Variants in CDV3 observed in about 807,000 individuals in gnomAD.
The protein encoded by CDV3 is protein CDV3 homolog.
Under a neutral mutation model 24.5 loss-of-function variants are expected in CDV3, and 14 were observed. The observed-to-expected ratio is 0.57, with a 90% CI of 0.38 to 0.89. The LOEUF is 0.89. Among genes scored for constraint, CDV3 ranks in the 40% least tolerant of loss-of-function variants. The pLI is 0.00. For missense variants in CDV3, 304 were observed against 310.2 expected (o/e 0.98, Z 0.15); for synonymous variants, 114 against 114.1 (o/e 1.00, Z 0.00).
chr3:133,589,115 C>T lies in CDV3; in HGVS notation c.*1069C>T, dbSNP rs1408521358. 2 of 152,686 alleles carry T rather than the reference C, an allele frequency of 1.3e-5. No individual in the cohort carries two copies. Among genetic ancestry groups the T allele is most frequent in the Non-Finnish European group, 2.9e-5 (2 of 68,102 alleles). 9.5% of individuals were successfully genotyped at this position (152,686 alleles called of 1,614,324 possible). A position where few individuals can be genotyped will look rare whatever the true frequency, so the allele number is the denominator to read the frequency against. Reference sequence around the variant, plus strand: ...CAGTGGGAAGAATATGCTTTCTGCTCAGGCTAAGAGGGTCACTGATCTGTC... The same window carrying T: ...CAGTGGGAAGAATATGCTTTCTGCTTAGGCTAAGAGGGTCACTGATCTGTC... On this transcript the variant is annotated 3_prime_UTR_variant, in exon 5 of 5. Transcript: ENST00000264993.
chr3:133,587,387 GCT>G, intron 4 of CDV3: 1 of 1,214,556 alleles, frequency 8.2e-7, no homozygotes, highest in Non-Finnish European at 1.0e-6. Context: ...TTGCTCCTCT[GCT>G]CTGTCTTAAA....
rs1041345551 is a variant in CDV3, at chr3:133,587,443, G to A, written c.627-453G>A. 33 of 1,158,732 alleles carry A rather than the reference G, an allele frequency of 2.8e-5. No individual in the cohort carries two copies. The African/African-American group carries it at 4.8e-4, about 17-fold the overall frequency. The allele number at this position is 1,158,732 out of a possible 1,614,324, so 71.8% of individuals were successfully genotyped here. A position where few individuals can be genotyped will look rare whatever the true frequency, so the allele number is the denominator to read the frequency against. On this transcript the variant is annotated intron_variant, in intron 4 of 4. Coordinates refer to ENST00000264993, the MANE Select transcript of CDV3 (RefSeq NM_017548.5). ...GGGAGGGCAGTGATTCACCACACTC[G>A]AGTTTCTTTACCTGATCTAATCAGA... is the stretch of plus-strand genomic sequence containing the variant.
chr3:133,577,983 C>T (rs1454728399), intron 2 of CDV3, among the ~76,000 whole-genome samples: 1 of 151,986 alleles, frequency 6.6e-6, no homozygotes, highest in Non-Finnish European at 1.5e-5. Flanking sequence ...CTGTAGGCCT[C>T]TTTCATCTCT....
intron 2 of CDV3, among the ~76,000 whole-genome samples, chr3:133,583,588 A>G (rs2107727449): frequency 6.6e-6 from 1 of 152,220 alleles, no homozygotes; most frequent in Middle Eastern, 3.4e-3. Context: ...TTTTTGAGAC[A>G]GTCACGCTCT....
chr3:133,588,578 C>T lies in CDV3; in HGVS notation c.*532C>T, dbSNP rs1933838972. On this transcript the variant is annotated 3_prime_UTR_variant, in exon 5 of 5. Transcript: ENST00000264993. ...ATTTAAGTGACCTTAATTAACCTGT[C>T]CTGTGCCCTACCCTTAAGGAATACT... 1 of 607,718 alleles carries T rather than the reference C, an allele frequency of 1.6e-6. No individual in the cohort carries two copies. Among genetic ancestry groups the T allele is most frequent in the African/African-American group, 1.9e-5 (1 of 53,970 alleles). The allele number at this position is 607,718 out of a possible 1,614,324, so 37.6% of individuals were successfully genotyped here. A position where few individuals can be genotyped will look rare whatever the true frequency, so the allele number is the denominator to read the frequency against.
At chr3:133,574,528 G>C in intron 1 of CDV3, 1 of 986,186 alleles carries the variant, frequency 1.0e-6, no homozygotes, top group Non-Finnish European at 1.2e-6. Context: ...AGGCCCGGGC[G>C]GCGCCACCCT....
At chr3:133,580,587 A>G (rs1309184578) in intron 2 of CDV3, among the ~76,000 whole-genome samples, 1 of 152,150 alleles carries the variant, frequency 6.6e-6, no homozygotes, top group Non-Finnish European at 1.5e-5. Flanking sequence ...CTGTAATCCC[A>G]GTTACTTGGT....
chr3:133,574,567 G>A, intron 1 of CDV3: 1 of 988,798 alleles, frequency 1.0e-6, no homozygotes, highest in Non-Finnish European at 1.2e-6. Flanking sequence ...GGGCCGCAGT[G>A]CCCAGCACAG....
At chr3:133,575,162 T>C (rs115431813) in intron 2 of CDV3, 47 bp downstream of exon 2, 13 of 1,026,160 alleles carry the variant, frequency 1.3e-5, no homozygotes, top group South Asian at 2.6e-5. Context: ...GGGATAGATA[T>C]TGGATACAAG....
At position 133,589,863 on chromosome 3, in the gene CDV3, A is replaced by G. The variant is rs1324258454; in HGVS notation, c.*1817A>G. 1 of 152,210 alleles carries G rather than the reference A, an allele frequency of 6.6e-6. No homozygotes were observed. The highest frequency in any genetic ancestry group is 1.9e-4 in the East Asian group (1 of 5,202). The allele number at this position is 152,210 out of a possible 1,614,324, so 9.4% of individuals were successfully genotyped here. ...GGAAGGTTGAATGATTAAATCAGAAATGGGATTCTTGGTAAACTGAAGACT... is the reference window on the plus strand; with the variant it reads ...GGAAGGTTGAATGATTAAATCAGAAGTGGGATTCTTGGTAAACTGAAGACT... On this transcript the variant is annotated 3_prime_UTR_variant, in exon 5 of 5. Transcript: ENST00000264993.
chr3:133,589,880 C>CT lies in CDV3; in HGVS notation c.*1835dup, dbSNP rs1933947519. 6.6e-6 allele frequency: 1 copy of CT among 152,168 alleles called. No individual in the cohort carries two copies. The highest frequency in any genetic ancestry group is 6.5e-5 in the Admixed American group (1 of 15,278). The allele number at this position is 152,168 out of a possible 1,614,324, so 9.4% of individuals were successfully genotyped here. A position where few individuals can be genotyped will look rare whatever the true frequency, so the allele number is the denominator to read the frequency against. ...AATCAGAAATGGGATTCTTGGTAAA[C>CT]TGAAGACTTTTATTTGGGAATGAAA... On this transcript the variant is annotated 3_prime_UTR_variant, in exon 5 of 5. Coordinates refer to ENST00000264993, the MANE Select transcript of CDV3 (RefSeq NM_017548.5).
At chr3:133,576,865 G>A (rs1463535129) in intron 2 of CDV3, among the ~76,000 whole-genome samples, 1 of 5,374 alleles carries the variant, frequency 1.9e-4, no homozygotes. Context: ...TTTTTTTTTT[G>A]AGACGAAGTT....
At position 133,588,656 on chromosome 3, in the gene CDV3, G is replaced by T. The variant is rs943186100; in HGVS notation, c.*610G>T. ...ACTTCCTGGAACACACTGCTGAAAA[G>T]AACTGATGTGTTCAGATCATCTGTG... is the stretch of plus-strand genomic sequence containing the variant. On this transcript the variant is annotated 3_prime_UTR_variant, in exon 5 of 5. Coordinates refer to ENST00000264993, the MANE Select transcript of CDV3 (RefSeq NM_017548.5). 3.5e-5 allele frequency: 17 copies of T among 484,458 alleles called. No individual in the cohort carries two copies. The highest frequency in any genetic ancestry group is 3.1e-4 in the African/African-American group (16 of 51,782). The allele number at this position is 484,458 out of a possible 1,614,324, so 30.0% of individuals were successfully genotyped here.
At chr3:133,576,805 A>G (rs1473263062) in intron 2 of CDV3, among the ~76,000 whole-genome samples, 4 of 138,782 alleles carry the variant, frequency 2.9e-5, no homozygotes, top group Non-Finnish European at 6.1e-5. Context: ...AGCTAGTACA[A>G]GCATTTAAGT....
intron 3 of CDV3, among the ~76,000 whole-genome samples, chr3:133,584,951 T>C (rs1933433032): frequency 6.6e-6 from 1 of 152,216 alleles, no homozygotes; most frequent in Non-Finnish European, 1.5e-5. Flanking sequence ...AGCACTACTT[T>C]AAAGAAGTGT....
rs1210766801 is a variant in CDV3 at position 133,589,170 on chromosome 3, C to T, written c.*1124C>T. ...GAAATTCAGAGTAACATGAGCAAAACCTCAGCTAAAACCCATTTAAGTGGC... is the reference window on the plus strand; with the variant it reads ...GAAATTCAGAGTAACATGAGCAAAATCTCAGCTAAAACCCATTTAAGTGGC... On this transcript the variant is annotated 3_prime_UTR_variant, in exon 5 of 5. Transcript: ENST00000264993. 6.6e-6 allele frequency: 1 copy of T among 152,632 alleles called. No individual in the cohort carries two copies. The highest frequency in any genetic ancestry group is 2.4e-5 in the African/African-American group (1 of 41,424). 9.5% of individuals were successfully genotyped at this position (152,632 alleles called of 1,614,324 possible).
chr3:133,580,080 C>T (rs1279811197), intron 2 of CDV3, among the ~76,000 whole-genome samples: 1 of 152,112 alleles, frequency 6.6e-6, no homozygotes, highest in Non-Finnish European at 1.5e-5. Context: ...ATCAACTTGT[C>T]ATTTACATTA....
At position 133,578,841 on chromosome 3, in the gene CDV3, A is replaced by G. The variant is rs1005134880; in HGVS notation, c.317+3726A>G. 3.3e-5 allele frequency among the ~76,000 whole-genome samples: 5 copies of G among 152,180 alleles called. No individual in the cohort carries two copies. The South Asian group carries it at 1.0e-3, about 31-fold the overall frequency. ...TTGGGGAAGGGGAGTTAGGATGTAT[A>G]AATTCTCATGTCTCTTGAGGTAAAG... is the stretch of plus-strand genomic sequence containing the variant. On this transcript the variant is annotated intron_variant, in intron 2 of 4. Coordinates refer to ENST00000264993, the MANE Select transcript of CDV3 (RefSeq NM_017548.5).
intron 4 of CDV3, 36 bp from the exon 5 acceptor site, chr3:133,587,860 A>G: frequency 6.4e-7 from 1 of 1,558,742 alleles, no homozygotes; most frequent in South Asian, 1.2e-5. Flanking sequence ...CCTAGTGAAG[A>G]AGAAATATTT....
Sources: allele counts gnomAD v4.1 joint callset (sites outside exome capture counted in the v4.1 genomes callset), GRCh38; gene constraint gnomAD v4.1.1; transcripts MANE v1.5; gene names NCBI Gene and HGNC (gene_info 2026-07-23, HGNC 2026-07-21).